Variants in KIAA0825 observed in about 807,000 individuals in gnomAD.
KIAA0825 encodes KIAA0825.
A neutral mutation model predicts 147.6 loss-of-function variants in KIAA0825; 119 were observed. The observed-to-expected ratio is 0.81, with a 90% CI of 0.69 to 0.94. The LOEUF (loss-of-function observed/expected upper bound fraction) is 0.94, where lower values mean the gene tolerates loss of function less well. Among genes scored for constraint, KIAA0825 ranks in the 40% least tolerant of loss-of-function variants. The pLI, the probability that KIAA0825 is intolerant of heterozygous loss-of-function variation, is 0.00. For missense variants in KIAA0825, 1,381 were observed against 1,472.7 expected, an observed-to-expected ratio of 0.94 and a Z score of 1.02; for synonymous variants, 470 against 518.1, an observed-to-expected ratio of 0.91 and a Z score of 1.26.
intron 20 of KIAA0825, among the ~76,000 whole-genome samples, chr5:94,299,685 A>G (rs948122243): frequency 2.6e-5 from 4 of 152,186 alleles, no homozygotes; most frequent in Non-Finnish European, 5.9e-5. Flanking sequence ...CTGAAGGCAG[A>G]GCTATGGTGC....
At chr5:94,381,424 T>A (rs1748398248) in intron 20 of KIAA0825, among the ~76,000 whole-genome samples, 1 of 152,228 alleles carries the variant, frequency 6.6e-6, no homozygotes. Flanking sequence ...ATTTGTTGCA[T>A]GCCGAGTATT....
intron 1 of KIAA0825, among the ~76,000 whole-genome samples, chr5:94,599,328 T>TG (rs891587758): frequency 7.2e-6 from 1 of 138,072 alleles, no homozygotes; most frequent in Non-Finnish European, 1.6e-5. Context: ...TCTGATTATT[T>TG]GGGTTTTTTT....
Position 94,471,646 on chromosome 5 carries a change from G to C in KIAA0825, c.1541C>G (p.Ala514Gly). The C allele has an allele frequency of 1.3e-6, 2 of 1,552,120 alleles. No homozygotes were observed. The highest frequency in any genetic ancestry group is 8.7e-7 in the Non-Finnish European group (1 of 1,147,076). The change falls in exon 9 of 21, where the codon GCA becomes GGA. Residue 514 changes from alanine (A) to glycine (G), a missense_variant. Physicochemically the swap from Ala to Gly is moderately conservative, Grantham distance 60 (BLOSUM62 0). Coordinates refer to ENST00000682413, the MANE Select transcript of KIAA0825 (RefSeq NM_001145678.3). ...CRDDSFQEIR[A>G]NLVEACCKVA... ...TTTACAACAGGCCTCCACCAAGTTTGCTCTAATTTCCTGAAAAGAATCATC... is the reference window on the plus strand; with the variant it reads ...TTTACAACAGGCCTCCACCAAGTTTCCTCTAATTTCCTGAAAAGAATCATC...
At chr5:94,588,719 C>T (rs1351075338) in intron 1 of KIAA0825, among the ~76,000 whole-genome samples, 1 of 152,190 alleles carries the variant, frequency 6.6e-6, no homozygotes, top group African/African-American at 2.4e-5. Context: ...AATCATGGTA[C>T]TATAGAGACA....
chr5:94,460,352 T>G (rs1399156674), intron 12 of KIAA0825, among the ~76,000 whole-genome samples: 2 of 152,092 alleles, frequency 1.3e-5, no homozygotes, highest in Non-Finnish European at 2.9e-5. Context: ...GAACACATAT[T>G]TTTGCAAACA....
intron 20 of KIAA0825, among the ~76,000 whole-genome samples, chr5:94,363,211 T>C (rs550634113): frequency 6.6e-6 from 1 of 152,020 alleles, no homozygotes; most frequent in African/African-American, 2.4e-5. Context: ...CTCTGACTAT[T>C]ATTAGGTTTA....
chr5:94,219,003 A>T (rs1773444181), intron 20 of KIAA0825, among the ~76,000 whole-genome samples: 1 of 152,068 alleles, frequency 6.6e-6, no homozygotes, highest in Non-Finnish European at 1.5e-5. Flanking sequence ...TGTATATTAG[A>T]TACTCCATAA....
intron 20 of KIAA0825, among the ~76,000 whole-genome samples, chr5:94,259,478 A>C (rs1236957974): frequency 6.6e-6 from 1 of 152,024 alleles, no homozygotes; most frequent in Non-Finnish European, 1.5e-5. Context: ...CACTACTGTT[A>C]AACAAATTGC....
chr5:94,471,352 T>C, intron 9 of KIAA0825, 114 bp downstream of exon 9: 1 of 1,112,950 alleles, frequency 9.0e-7, no homozygotes, highest in Non-Finnish European at 1.3e-6. Flanking sequence ...ATTCACCTTG[T>C]TAATTATTAT....
intron 20 of KIAA0825, among the ~76,000 whole-genome samples, chr5:94,154,448 A>G (rs73773566): frequency 0.018 from 2,790 of 152,352 alleles, 91 homozygotes; most frequent in African/African-American, 0.063. Context: ...TAGAATTAGC[A>G]ACTAATAAGC....
In KIAA0825 at chr5:94,452,977, A is replaced by G. The variant is rs1264027839; in HGVS notation, c.2339T>C (p.Phe780Ser). 6.6e-7 allele frequency: 1 copy of G among 1,517,752 alleles called. No homozygotes were observed. Among genetic ancestry groups the G allele is most frequent in the Non-Finnish European group, 8.9e-7 (1 of 1,129,774 alleles). The allele number at this position is 1,517,752 out of a possible 1,614,324, so 94.0% of individuals were successfully genotyped here. A position where few individuals can be genotyped will look rare whatever the true frequency, so the allele number is the denominator to read the frequency against. The change falls in exon 13 of 21, where the codon TTC (phenylalanine) becomes TCC (serine). Residue 780 changes from phenylalanine (F) to serine (S), a missense_variant. Phe to Ser is a radical substitution (Grantham distance 155, BLOSUM62 -2). Transcript: ENST00000682413. ...CTCTCACCTGAGTAAAGAAGGGTAG[A>G]AATGTGATATGCAAGAAACCCAATA... ...PLYWVSCISH[F>S]YPSLLRTPSA...
intron 20 of KIAA0825, 57 bp downstream of exon 20, chr5:94,384,311 A>G (rs1748845740): frequency 3.2e-6 from 4 of 1,242,478 alleles, no homozygotes; most frequent in Non-Finnish European, 4.6e-6. Flanking sequence ...ACACACACAC[A>G]CGCACACACA....
chr5:94,232,760 G>A (rs1774798605), intron 20 of KIAA0825, among the ~76,000 whole-genome samples: 1 of 151,932 alleles, frequency 6.6e-6, no homozygotes, highest in Admixed American at 6.6e-5. Context: ...AAAAGTAATG[G>A]AATTATAATT....
chr5:94,272,555 C>T (rs1777042756), intron 20 of KIAA0825, among the ~76,000 whole-genome samples: 1 of 151,838 alleles, frequency 6.6e-6, no homozygotes, highest in African/African-American at 2.4e-5. Flanking sequence ...TTCTTTTGAC[C>T]ACATCTGTCA....
intron 14 of KIAA0825, among the ~76,000 whole-genome samples, chr5:94,426,241 T>C (rs1238842169): frequency 1.3e-5 from 2 of 151,896 alleles, no homozygotes; most frequent in Non-Finnish European, 2.9e-5. Flanking sequence ...AGTATATCAA[T>C]GGGATAGCTG....
intron 2 of KIAA0825, among the ~76,000 whole-genome samples, chr5:94,537,443 A>G (rs1303289462): frequency 6.6e-6 from 1 of 152,018 alleles, no homozygotes; most frequent in Non-Finnish European, 1.5e-5. Context: ...CGAGGTCAGG[A>G]GATTGAGACC....
chr5:94,193,614 T>C (rs577137606), intron 20 of KIAA0825, among the ~76,000 whole-genome samples: 1 of 152,306 alleles, frequency 6.6e-6, no homozygotes, highest in African/African-American at 2.4e-5. Flanking sequence ...GCACTGAAAA[T>C]ATGTCAGGCA....
At chr5:94,516,788 T>C (rs1350945473) in intron 5 of KIAA0825, among the ~76,000 whole-genome samples, 3 of 87,086 alleles carry the variant, frequency 3.4e-5, no homozygotes, top group African/African-American at 4.7e-5. Context: ...AGACTCCGTC[T>C]CAAAAAAAAA....
intron 14 of KIAA0825, among the ~76,000 whole-genome samples, chr5:94,418,927 G>T (rs1352303622): frequency 6.6e-6 from 1 of 152,022 alleles, no homozygotes; most frequent in Non-Finnish European, 1.5e-5. Flanking sequence ...TCCCAGGCTG[G>T]AATTCAGTGG....
Sources: gnomAD v4.1 joint callset for allele counts (sites outside exome capture counted in the v4.1 genomes callset) on GRCh38, gnomAD v4.1.1 for gene constraint, MANE v1.5 for transcripts, NCBI Gene and HGNC (gene_info 2026-07-23, HGNC 2026-07-21) for gene names.